EMP3: variants seen among roughly 807,000 people sequenced by gnomAD.
EMP3 encodes epithelial membrane protein 3.
In EMP3, 15 loss-of-function variants were observed where a neutral mutation model predicts 21.6. The observed-to-expected ratio is 0.69, with a 90% CI of 0.46 to 1.07. The LOEUF (loss-of-function observed/expected upper bound fraction) is 1.07. Among genes scored for constraint, EMP3 ranks in the 50% least tolerant of loss-of-function variants. EMP3 has a pLI of 0.00. For missense variants in EMP3, 183 were observed against 206.6 expected (o/e 0.89, Z 0.70); for synonymous variants, 107 against 86.1 (o/e 1.24, Z -1.34).
rs549823107 is a variant in EMP3, at chr19:48,326,274, C to T, written c.-15-556C>T. On this transcript the variant is annotated intron_variant, in intron 1 of 4. Transcript: ENST00000270221. Reference sequence around the variant, plus strand: ...TCAACTTGAATTTTCACTATCTGGCCTGTATGTAACCCAGAGTCAGGGTTC... The same window carrying T: ...TCAACTTGAATTTTCACTATCTGGCTTGTATGTAACCCAGAGTCAGGGTTC... 7.9e-5 allele frequency among the ~76,000 whole-genome samples: 12 copies of T among 152,230 alleles called. No individual in the cohort carries two copies. The East Asian group carries it at 2.3e-3, about 29-fold the overall frequency.
At position 48,329,576 on chromosome 19, in the gene EMP3, G is replaced by A; in HGVS notation, c.322+84G>A. On this transcript the variant is annotated intron_variant, in intron 4 of 4. Transcript: ENST00000270221. The surrounding 1 kb of genome is among the most constrained non-coding windows in gnomAD (Gnocchi z 4.5). ...TGTGTCAAGATGCTGGGGGCCCTGA[G>A]AATGGGCCTCTCGTAGAAAAAAACA... 1.3e-6 allele frequency: 2 copies of A among 1,544,606 alleles called. No homozygotes were observed. Among genetic ancestry groups the A allele is most frequent in the Non-Finnish European group, 1.8e-6 (2 of 1,138,318 alleles).
intron 1 of EMP3, chr19:48,326,095 GGT>G (rs1969118401): frequency 6.6e-6 from 1 of 151,122 alleles, no homozygotes. Context: ...GGGTTTCCCT[GGT>G]GCTTAGAGAT....
rs531244799 is a variant in EMP3 at position 48,329,653 on chromosome 19, G to A, written c.322+161G>A. Among the ~76,000 whole-genome samples the A allele has an allele frequency of 6.6e-6, 1 of 152,244 alleles. No homozygotes were observed. Among genetic ancestry groups the A allele is most frequent in the Admixed American group, 6.5e-5 (1 of 15,290 alleles). On this transcript the variant is annotated intron_variant, in intron 4 of 4. Transcript: ENST00000270221. The surrounding 1 kb of genome is among the most constrained non-coding windows in gnomAD (Gnocchi z 4.5). ...AGGTGCCTCCGTGGGCTACATCTCT[G>A]CCCCCAGGGATTGCTGGGACTTGTA...
chr19:48,327,054 CAA>C, intron 2 of EMP3, 132 bp downstream of exon 2: 1 of 808,468 alleles, frequency 1.2e-6, no homozygotes, highest in Non-Finnish European at 2.0e-6. Context: ...TATTTTGAGA[CAA>C]GGGTCTCACT....
At chr19:48,325,903 C>A (rs1344572497) in intron 1 of EMP3, 1 of 152,158 alleles carries the variant, frequency 6.6e-6, no homozygotes, top group South Asian at 2.1e-4. Context: ...GAGAACACCC[C>A]AAATCTGGGA....
At chr19:48,330,265 G>C (rs1188039988) in intron 4 of EMP3, 36 bp from the exon 5 acceptor site, 2 of 1,531,340 alleles carry the variant, frequency 1.3e-6, no homozygotes, top group Admixed American at 2.1e-5. Flanking sequence ...AGTCTTGAGG[G>C]GGCACTGCAT....
At chr19:48,326,588 T>G (rs779756321) in intron 1 of EMP3, among the ~76,000 whole-genome samples, 1 of 151,798 alleles carries the variant, frequency 6.6e-6, no homozygotes, top group Non-Finnish European at 1.5e-5. Context: ...CCTCCTGGAT[T>G]CCAGTGATTC....
chr19:48,327,102 G>A (rs1190601151), intron 2 of EMP3, among the ~76,000 whole-genome samples, 180 bp downstream of exon 2: 2 of 151,958 alleles, frequency 1.3e-5, no homozygotes, highest in Admixed American at 6.6e-5. Flanking sequence ...GTGCGATCTC[G>A]GCTCACTGCA....
chr19:48,330,155 G>A (rs753867210), intron 4 of EMP3, 146 bp from the exon 5 acceptor site: 3 of 1,197,322 alleles, frequency 2.5e-6, no homozygotes, highest in Non-Finnish European at 3.4e-6. Context: ...CAGTTGCACG[G>A]CGCTGGGCGG....
chr19:48,330,019 C>T (rs1357228568), intron 4 of EMP3, among the ~76,000 whole-genome samples: 1 of 152,200 alleles, frequency 6.6e-6, no homozygotes, highest in Admixed American at 6.6e-5. Flanking sequence ...CAAAGCTTCT[C>T]TCTTGGTTTA....
At position 48,327,378 on chromosome 19, in the gene EMP3, C is replaced by G. The variant is rs147542254; in HGVS notation, c.79-143C>G. The G allele has an allele frequency of 2.5e-4, 162 of 649,500 alleles. 1 individual carries two copies. The highest frequency in any genetic ancestry group is 2.5e-3 in the African/African-American group (139 of 55,850). The allele number at this position is 649,500 out of a possible 1,614,324, so 40.2% of individuals were successfully genotyped here. On this transcript the variant is annotated intron_variant, in intron 2 of 4. Transcript: ENST00000270221. ...CTCCTCCCTGTCCTGACCCTACCCCCTCTCATATTAAATCCTAACTCTCCC... is the reference window on the plus strand; with the variant it reads ...CTCCTCCCTGTCCTGACCCTACCCCGTCTCATATTAAATCCTAACTCTCCC...
intron 4 of EMP3, 91 bp from the exon 5 acceptor site, chr19:48,330,210 G>C (rs1969183289): frequency 3.4e-6 from 5 of 1,454,684 alleles, no homozygotes; most frequent in African/African-American, 1.5e-5. Flanking sequence ...CGCTGCCCAC[G>C]GGCCCTCCGG....
chr19:48,329,563 C>A lies in EMP3; in HGVS notation c.322+71C>A. 6.4e-7 allele frequency: 1 copy of A among 1,569,608 alleles called. No individual in the cohort carries two copies. Among genetic ancestry groups the A allele is most frequent in the Non-Finnish European group, 8.7e-7 (1 of 1,153,810 alleles). On this transcript the variant is annotated intron_variant, in intron 4 of 4. Coordinates refer to ENST00000270221, the MANE Select transcript of EMP3 (RefSeq NM_001425.3). This position sits in a 1 kb window ranked among gnomAD's most constrained non-coding sequence, Gnocchi z 4.5. ...GAAGGGAGTGGGGTGTGTCAAGATG[C>A]TGGGGGCCCTGAGAATGGGCCTCTC...
Position 48,330,447 on chromosome 19 carries a change from A to C in EMP3, c.469A>C (p.Ile157Leu), listed in dbSNP as rs1969191010. The C allele has an allele frequency of 6.3e-7, 1 of 1,589,312 alleles. No homozygotes were observed. Among genetic ancestry groups the C allele is most frequent in the African/African-American group, 1.4e-5 (1 of 72,958 alleles). The change falls in exon 5 of 5, where the codon ATC becomes CTC. Residue 157 changes from isoleucine to leucine, a missense_variant. Transcript: ENST00000270221. ...CGCCCTGGTCAGCGGCATCATCTAC[A>C]TCCACCTACGGAAGCGGGAGTGAGC... ...PLALVSGIIY[I>L]HLRKRE
chr19:48,329,317 C>T lies in EMP3; in HGVS notation c.182-35C>T, dbSNP rs761642501. 2.2e-5 allele frequency: 35 copies of T among 1,612,628 alleles called. No homozygotes were observed. The highest frequency in any genetic ancestry group is 1.6e-4 in the East Asian group (7 of 44,874). ...AGGTGAAGCTGGAACTCTGGACCCA[C>T]GGTGATGTCCCCCTCTGTGTCCTCC... On this transcript the variant is annotated intron_variant, in intron 3 of 4. Transcript: ENST00000270221. The surrounding 1 kb of genome is among the most constrained non-coding windows in gnomAD (Gnocchi z 4.5).
chr19:48,327,599 G>A lies in EMP3; in HGVS notation c.157G>A (p.Ala53Thr). The A allele has an allele frequency of 6.2e-6, 10 of 1,613,908 alleles. No individual in the cohort carries two copies. The highest frequency in any genetic ancestry group is 7.6e-6 in the Non-Finnish European group (9 of 1,179,946). Residue 53 changes from alanine (A) to threonine (T), a missense_variant, in exon 3 of 5, where the codon GCC becomes ACC. Physicochemically the swap from Ala to Thr is moderately conservative, Grantham distance 58. Transcript: ENST00000270221. ...CTWNNDTKTW[A>T]CSNVSENGWL... ...GTGGAACAACGACACCAAAACATGGGCCTGCAGTAATGTCAGCGAGAATGG... is the reference window on the plus strand; with the variant it reads ...GTGGAACAACGACACCAAAACATGGACCTGCAGTAATGTCAGCGAGAATGG...
chr19:48,327,424 T>C, intron 2 of EMP3, 97 bp from the exon 3 acceptor site: 1 of 831,704 alleles, frequency 1.2e-6, no homozygotes, highest in Non-Finnish European at 2.0e-6. Context: ...CCATCCCAGA[T>C]ACCCTGCCCT....
rs11671746 is a variant in EMP3 at position 48,330,471 on chromosome 19, G to C, written c.*1G>C. 1 of 1,573,260 alleles carries C rather than the reference G, an allele frequency of 6.4e-7. No homozygotes were observed. The highest frequency in any genetic ancestry group is 1.9e-5 in the Admixed American group (1 of 52,600). On this transcript the variant is annotated 3_prime_UTR_variant, in exon 5 of 5. Transcript: ENST00000270221. ...CATCCACCTACGGAAGCGGGAGTGA[G>C]CGCCCCGCCTCGCTCGGCTGCCCCC...
In EMP3 at chr19:48,330,309, G is replaced by T. The variant is rs755891720; in HGVS notation, c.331G>T (p.Val111Leu). The T allele has an allele frequency of 1.3e-5, 20 of 1,586,746 alleles. No homozygotes were observed. The South Asian group carries it at 2.2e-4, about 18-fold the overall frequency. Residue 111 changes from valine (V) to leucine (L), a missense_variant, in exon 5 of 5, where the codon GTG (valine) becomes TTG (leucine). Transcript: ENST00000270221. ...GTTTTCATCTTCCGCAGGCGTGGCG[G>T]TGTTTACTGGCGCCTTGATCTATGC... ...GLCQLCTSVA[V>L]FTGALIYAIH... is the part of the protein sequence containing the mutation.
Sources: gnomAD v4.1 joint callset for allele counts (sites outside exome capture counted in the v4.1 genomes callset) on GRCh38, gnomAD v4.1.1 for gene constraint, Gnocchi (gnomAD v3.1) non-coding constraint, MANE v1.5 for transcripts, NCBI Gene and HGNC (gene_info 2026-07-23, HGNC 2026-07-21) for gene names.